The following SPATA1 variants were observed in gnomAD, a reference collection of about 807,000 sequenced individuals.
SPATA1 encodes spermatogenesis-associated protein 1.
SPATA1 carries 57 observed loss-of-function variants against 59.6 expected under a neutral mutation model. The ratio of observed to expected loss-of-function variants is 0.96; its 90% CI spans 0.77 to 1.19. SPATA1 has a LOEUF of 1.19. Among genes scored for constraint, SPATA1 ranks in the 50% most tolerant of loss-of-function variants. The pLI, the probability that SPATA1 is intolerant of heterozygous loss-of-function variation, is 0.00. For missense variants in SPATA1, 448 were observed against 480.7 expected (o/e 0.93, Z 0.64); for synonymous variants, 147 against 163.9 (o/e 0.90, Z 0.79).
intron 1 of SPATA1, among the ~76,000 whole-genome samples, chr1:84,511,655 CTTTTTTTTTTTTTTTCTTTCTTTCTT>C (rs1481099417): frequency 1.1e-4 from 9 of 81,142 alleles, no homozygotes; most frequent in Middle Eastern, 7.4e-3. Flanking sequence ...GCATTTCAGG[CTTTTTTTTTTTTTTTCTTTCTTTCTT>C]TTTTTTTTTT....
downstream of SPATA1, among the ~76,000 whole-genome samples, chr1:84,556,602 C>A (rs558779488): frequency 1.3e-5 from 2 of 151,424 alleles, no homozygotes; most frequent in South Asian, 4.2e-4. Context: ...GTCCCAGCTA[C>A]TCTCGAGGCT....
chr1:84,552,864 C>T (rs1684319130), intron 12 of SPATA1: 1 of 538,898 alleles, frequency 1.9e-6, no homozygotes, highest in Admixed American at 3.9e-5. Context: ...TATTAAACAG[C>T]ATTCATAATC....
At chr1:84,548,647 G>A (rs72950323) in intron 10 of SPATA1, 139 bp from the exon 11 acceptor site, 38,310 of 1,057,778 alleles carry the variant, frequency 0.036, 1,666 homozygotes, top group African/African-American at 0.19. Flanking sequence ...ATAAAAAAAG[G>A]AGAAGAGGAG....
intron 8 of SPATA1, among the ~76,000 whole-genome samples, chr1:84,536,635 G>A (rs1239930445): frequency 6.6e-6 from 1 of 151,772 alleles, no homozygotes; most frequent in Non-Finnish European, 1.5e-5. Context: ...TAGTACAGAC[G>A]GTGTTTCACC....
chr1:84,561,642 A>G (rs1242875643), intron 4 of SPATA1, among the ~76,000 whole-genome samples: 1 of 152,210 alleles, frequency 6.6e-6, no homozygotes, highest in African/African-American at 2.4e-5. Flanking sequence ...TTGACGTGGC[A>G]AACTTCACTG....
chr1:84,531,976 T>C (rs1683490508), intron 6 of SPATA1, among the ~76,000 whole-genome samples: 1 of 152,252 alleles, frequency 6.6e-6, no homozygotes, highest in Admixed American at 6.5e-5. Flanking sequence ...CAGGTTCGTG[T>C]ATCTTTTGTT....
At chr1:84,511,771 TC>T (rs1682573467) in intron 1 of SPATA1, among the ~76,000 whole-genome samples, 1 of 145,198 alleles carries the variant, frequency 6.9e-6, no homozygotes, top group South Asian at 2.3e-4. Flanking sequence ...AACCTCTGCC[TC>T]CTGGGTTCAA....
At chr1:84,556,200 G>A (rs1684425153), downstream of SPATA1, among the ~76,000 whole-genome samples, 1 of 152,082 alleles carries the variant, frequency 6.6e-6, no homozygotes, top group Non-Finnish European at 1.5e-5. Context: ...GGCAGCACAT[G>A]AGCTATTGGA....
intron 6 of SPATA1, among the ~76,000 whole-genome samples, chr1:84,526,320 CA>C (rs1368801958): frequency 6.6e-6 from 1 of 152,036 alleles, no homozygotes; most frequent in Non-Finnish European, 1.5e-5. Flanking sequence ...TGAACATTAC[CA>C]CCTTTACTTC....
At chr1:84,557,533 C>CAAAAAAAAAAAAAAAAAAAAGAA (rs1684473354), downstream of SPATA1, among the ~76,000 whole-genome samples, 1 of 55,438 alleles carries the variant, frequency 1.8e-5, no homozygotes, top group Non-Finnish European at 3.5e-5. Context: ...AACTCCATCT[C>CAAAAAAAAAAAAAAAAAAAAGAA]AAAAAAAAAA....
chr1:84,548,778 TTTTATA>T lies in SPATA1; in HGVS notation c.947-7_947-2del. 3 of 1,204,616 alleles carry T rather than the reference TTTTATA, an allele frequency of 2.5e-6. No homozygotes were observed. The highest frequency in any genetic ancestry group is 2.1e-6 in the Non-Finnish European group (2 of 962,104). 74.6% of individuals were successfully genotyped at this position (1,204,616 alleles called of 1,614,324 possible). A position where few individuals can be genotyped will look rare whatever the true frequency, so the allele number is the denominator to read the frequency against. On this transcript the variant is annotated splice_acceptor_variant and splice_polypyrimidine_tract_variant and intron_variant, in intron 10 of 12. Coordinates refer to ENST00000490879, the Ensembl canonical transcript of SPATA1. LOFTEE classifies it high-confidence loss of function. ...TTTTTTTTTTTTTTTTTTTTTTTTTTTTTATAGCCTACAATGGTTGGAAGAAAAAAT... is the reference window on the plus strand; with the variant it reads ...TTTTTTTTTTTTTTTTTTTTTTTTTTGCCTACAATGGTTGGAAGAAAAAAT...
intron 4 of SPATA1, among the ~76,000 whole-genome samples, chr1:84,525,180 T>A (rs923335289): frequency 1.3e-5 from 2 of 152,218 alleles, no homozygotes; most frequent in Admixed American, 1.3e-4. Flanking sequence ...TTGGCCAGGC[T>A]GGCCTCGAAC....
intron 8 of SPATA1, among the ~76,000 whole-genome samples, chr1:84,535,456 A>G (rs562264415): frequency 6.6e-6 from 1 of 152,278 alleles, no homozygotes; most frequent in Admixed American, 6.5e-5. Context: ...ACTATACTTA[A>G]TCTTCTAATC....
At chr1:84,552,198 A>C (rs1570458650) in intron 12 of SPATA1, 2 of 152,144 alleles carry the variant, frequency 1.3e-5, no homozygotes, top group African/African-American at 2.4e-5. Flanking sequence ...GACAAAAAAA[A>C]CCCAGCCTGA....
chr1:84,549,381 A>G (rs1335705600), intron 11 of SPATA1, among the ~76,000 whole-genome samples: 1 of 152,142 alleles, frequency 6.6e-6, no homozygotes, highest in African/African-American at 2.4e-5. Context: ...AAGGAATGCT[A>G]TATGCTGACT....
exon 10 of SPATA1, chr1:84,545,676 G>T (rs776194639): frequency 6.5e-7 from 1 of 1,531,444 alleles, no homozygotes; most frequent in African/African-American, 1.4e-5. Flanking sequence ...AAGGAAGAAA[G>T]AAGGTATCTG....
chr1:84,507,238 T>G (rs1229843762), intron 1 of SPATA1: 1 of 152,216 alleles, frequency 6.6e-6, no homozygotes, highest in African/African-American at 2.4e-5. Context: ...ATGTTAATAA[T>G]TTTATCATTA....
At chr1:84,515,627 A>G (rs986623792) in intron 1 of SPATA1, among the ~76,000 whole-genome samples, 3 of 152,016 alleles carry the variant, frequency 2.0e-5, no homozygotes, top group Admixed American at 2.0e-4. Context: ...TTTTTCTTAT[A>G]TACATTATAT....
chr1:84,543,670 CATG>C (rs1482811561), intron 8 of SPATA1, among the ~76,000 whole-genome samples: 1 of 152,098 alleles, frequency 6.6e-6, no homozygotes, highest in East Asian at 1.9e-4. Flanking sequence ...TACAATTCAA[CATG>C]ATATTTGGAT....
Sources: allele counts gnomAD v4.1 joint callset (sites outside exome capture counted in the v4.1 genomes callset), GRCh38; gene constraint gnomAD v4.1.1; transcripts MANE v1.5; gene names NCBI Gene and HGNC (gene_info 2026-07-23, HGNC 2026-07-21).